Variants in PDE1C observed in about 807,000 individuals in gnomAD.
PDE1C encodes phosphodiesterase 1C.
In PDE1C, 62 loss-of-function variants were observed where a neutral mutation model predicts 93.1. That is an observed-to-expected ratio of 0.67 (90% CI 0.54 to 0.82). The LOEUF is 0.82. PDE1C is among the 40% of genes least tolerant of loss of function. The pLI, the probability that PDE1C is intolerant of heterozygous loss-of-function variation, is 0.00. For missense variants in PDE1C, 742 were observed against 884.6 expected, an observed-to-expected ratio of 0.84 and a Z score of 2.04; for synonymous variants, 325 against 310.1, an observed-to-expected ratio of 1.05 and a Z score of -0.50.
At chr7:31,665,382 T>C in the PDE1C span, among the ~76,000 whole-genome samples, 1 of 152,192 alleles carries the variant, frequency 6.6e-6, no homozygotes, top group Non-Finnish European at 1.5e-5. Flanking sequence ...TATTTCTTTA[T>C]TAGCTGTCTC....
chr7:31,624,000 A>G, the PDE1C span, among the ~76,000 whole-genome samples: 23 of 149,688 alleles, frequency 1.5e-4, no homozygotes, highest in East Asian at 1.4e-3. Context: ...GAGCCAAATC[A>G]TGAGTGAACT....
chr7:32,024,858 C>T lies in PDE1C; in HGVS notation c.128+26696G>A, dbSNP rs549293489. 3.9e-5 allele frequency among the ~76,000 whole-genome samples: 6 copies of T among 152,254 alleles called. No homozygotes were observed. The South Asian group carries it at 1.2e-3, about 32-fold the overall frequency. On this transcript the variant is annotated intron_variant, in intron 2 of 17. Coordinates refer to ENST00000396191, the MANE Select transcript of PDE1C (RefSeq NM_001191057.4). The stretch of plus-strand genomic sequence containing the variant: ...CTTCCCAAGGCAACTGCAGATTCCT[C>T]TTCCCTCAGGGAATATAACCCCACT...
intron 1 of PDE1C, among the ~76,000 whole-genome samples, chr7:32,305,598 A>C (rs1585098856): frequency 1.3e-5 from 2 of 152,126 alleles, no homozygotes; most frequent in African/African-American, 4.8e-5. Flanking sequence ...TTGGGGTGTT[A>C]GGGGAGCCAG....
At chr7:32,205,989 G>A (rs183950819) in intron 2 of PDE1C, among the ~76,000 whole-genome samples, 8 of 152,268 alleles carry the variant, frequency 5.3e-5, no homozygotes, top group African/African-American at 7.2e-5. Context: ...TGAAGTCAGC[G>A]AGACCAAGAA....
At chr7:31,744,279 CAT>C in the PDE1C span, among the ~76,000 whole-genome samples, 2 of 152,066 alleles carry the variant, frequency 1.3e-5, no homozygotes, top group Non-Finnish European at 2.9e-5. Context: ...CACACACACA[CAT>C]ACACCTAAAC....
At chr7:31,783,226 C>G (rs1783573815) in intron 16 of PDE1C, among the ~76,000 whole-genome samples, 1 of 152,168 alleles carries the variant, frequency 6.6e-6, no homozygotes, top group Non-Finnish European at 1.5e-5. Context: ...TGGAATCCAG[C>G]TTAATTCCAT....
At chr7:31,635,746 A>AG in the PDE1C span, among the ~76,000 whole-genome samples, 1 of 151,638 alleles carries the variant, frequency 6.6e-6, no homozygotes, top group Non-Finnish European at 1.5e-5. Context: ...GGACACAGGG[A>AG]GGGGAACACC....
intron 3 of PDE1C, among the ~76,000 whole-genome samples, chr7:32,149,662 T>C (rs1396512749): frequency 6.6e-6 from 1 of 152,064 alleles, no homozygotes; most frequent in Non-Finnish European, 1.5e-5. Context: ...GTTGGGCGGG[T>C]TATAATGGTA....
chr7:31,655,810 T>C, the PDE1C span: 102 of 985,626 alleles, frequency 1.0e-4, 1 homozygote, highest in Admixed American at 2.2e-3. Context: ...CCCTTCTCCA[T>C]GTAGACTCCG....
chr7:31,761,205 T>C (rs1334791083), intron 17 of PDE1C, among the ~76,000 whole-genome samples: 1 of 138,304 alleles, frequency 7.2e-6, no homozygotes, highest in African/African-American at 2.7e-5. Flanking sequence ...TATCCTCCCA[T>C]ATCTAAAATA....
At chr7:32,211,772 G>A (rs895274564) in intron 1 of PDE1C, among the ~76,000 whole-genome samples, 4 of 151,856 alleles carry the variant, frequency 2.6e-5, no homozygotes, top group African/African-American at 7.2e-5. Context: ...CTGTAATCCC[G>A]GCACTGTGGG....
At chr7:31,997,895 A>G (rs1784927424) in intron 2 of PDE1C, among the ~76,000 whole-genome samples, 1 of 152,222 alleles carries the variant, frequency 6.6e-6, no homozygotes, top group Non-Finnish European at 1.5e-5. Flanking sequence ...ACGGGAGCAT[A>G]ATTTGAACTT....
At chr7:32,385,828 G>C (rs1784615487) in intron 1 of PDE1C, among the ~76,000 whole-genome samples, 2 of 152,136 alleles carry the variant, frequency 1.3e-5, no homozygotes, top group African/African-American at 4.8e-5. Flanking sequence ...ATACAGATGG[G>C]AACTGGCCTT....
the PDE1C span, among the ~76,000 whole-genome samples, chr7:31,669,236 T>A: frequency 3.9e-5 from 6 of 152,200 alleles, no homozygotes; most frequent in East Asian, 1.2e-3. Flanking sequence ...TGCTGTAGAT[T>A]TTTTTTCTTC....
intron 2 of PDE1C, among the ~76,000 whole-genome samples, chr7:31,885,640 G>A (rs552469692): frequency 6.6e-6 from 1 of 152,330 alleles, no homozygotes; most frequent in East Asian, 1.9e-4. Context: ...GGAACTATGT[G>A]AGGAAAGGCC....
chr7:32,262,346 T>C (rs1284146629), intron 1 of PDE1C, among the ~76,000 whole-genome samples: 1 of 152,024 alleles, frequency 6.6e-6, no homozygotes, highest in Non-Finnish European at 1.5e-5. Flanking sequence ...AGTGAGCAGG[T>C]GCTGGGAGGA....
chr7:32,424,926 AC>A, intron 1 of PDE1C, among the ~76,000 whole-genome samples: 1 of 152,334 alleles, frequency 6.6e-6, no homozygotes, highest in Admixed American at 6.5e-5. Context: ...AGGTAAGAAC[AC>A]AAGTTTTAGA....
At chr7:32,371,048 C>T (rs1784323445) in intron 1 of PDE1C, among the ~76,000 whole-genome samples, 2 of 151,574 alleles carry the variant, frequency 1.3e-5, no homozygotes, top group Non-Finnish European at 2.9e-5. Flanking sequence ...TTGAACTTGG[C>T]CTATAGACAC....
At chr7:32,031,951 T>C (rs575496921) in intron 2 of PDE1C, among the ~76,000 whole-genome samples, 1 of 152,202 alleles carries the variant, frequency 6.6e-6, no homozygotes, top group South Asian at 2.1e-4. Context: ...TAAAATGAGT[T>C]ATTTGCTTTC....
Sources: allele counts gnomAD v4.1 joint callset (sites outside exome capture counted in the v4.1 genomes callset), GRCh38; gene constraint gnomAD v4.1.1; transcripts MANE v1.5; gene names NCBI Gene and HGNC (gene_info 2026-07-23, HGNC 2026-07-21).